TFDP1: variants seen among roughly 807,000 people sequenced by gnomAD.
TFDP1 encodes DRTF1-polypeptide 1.
A neutral mutation model predicts 48.0 loss-of-function variants in TFDP1; 6 were observed. The observed-to-expected ratio is 0.13, with a 90% CI of 0.07 to 0.25. TFDP1 has a LOEUF of 0.25. TFDP1 is among the 10% of genes least tolerant of loss of function. The probability of loss-of-function intolerance (pLI) is 1.00; values close to 1 mark genes in which losing one functional copy is unlikely to be tolerated. For missense variants in TFDP1, 335 were observed against 543.0 expected, an observed-to-expected ratio of 0.62 and a Z score of 3.81; for synonymous variants, 201 against 211.6, an observed-to-expected ratio of 0.95 and a Z score of 0.44.
At chr13:113,634,878 CGTGTGCATGTGTGT>C (rs2049439560) in intron 8 of TFDP1, among the ~76,000 whole-genome samples, 1 of 150,064 alleles carries the variant, frequency 6.7e-6, no homozygotes, top group South Asian at 2.1e-4. Context: ...TGCCTGTGTG[CGTGTGCATGTGTGT>C]GCGTGCATGT....
intron 2 of TFDP1, among the ~76,000 whole-genome samples, chr13:113,593,885 T>C (rs1024073181): frequency 4.2e-5 from 6 of 142,454 alleles, no homozygotes; most frequent in Admixed American, 2.1e-4. Flanking sequence ...TCCTCAGCCC[T>C]GTCCAGGTGA....
intron 2 of TFDP1, among the ~76,000 whole-genome samples, chr13:113,605,278 G>A (rs909858447): frequency 6.6e-6 from 1 of 152,188 alleles, no homozygotes; most frequent in African/African-American, 2.4e-5. Flanking sequence ...GATGGTGCCA[G>A]TGATCTTTCC....
At chr13:113,593,000 C>T (rs373431394) in intron 2 of TFDP1, among the ~76,000 whole-genome samples, 55 of 142,330 alleles carry the variant, frequency 3.9e-4, no homozygotes, top group South Asian at 2.3e-3. Context: ...GTGCTGTGCA[C>T]GCGTCCTCAG....
Position 113,623,268 on chromosome 13 carries a change from C to G in TFDP1, c.168C>G (p.Val56=). ...LLPKTFGQSN[V]NIAQQVVIGT... is the part of the protein sequence containing the mutation. ...CAAAAACCTTTGGACAGTCCAATGTCAACATTGCCCAGCAAGTGGTAAGCC... is the reference window on the plus strand; with the variant it reads ...CAAAAACCTTTGGACAGTCCAATGTGAACATTGCCCAGCAAGTGGTAAGCC... The change falls in exon 4 of 12, where the codon GTC becomes GTG. Residue 56 remains valine (V), a synonymous_variant. Coordinates refer to ENST00000375370, the MANE Select transcript of TFDP1 (RefSeq NM_007111.5). This position sits in a 1 kb window ranked among gnomAD's most constrained non-coding sequence, Gnocchi z 5.2. The G allele has an allele frequency of 6.2e-7, 1 of 1,612,066 alleles. No homozygotes were observed. Among genetic ancestry groups the G allele is most frequent in the Non-Finnish European group, 8.5e-7 (1 of 1,179,090 alleles).
chr13:113,610,168 C>G (rs1257517194), intron 2 of TFDP1, among the ~76,000 whole-genome samples: 1 of 152,100 alleles, frequency 6.6e-6, no homozygotes, highest in African/African-American at 2.4e-5. Flanking sequence ...TGTGGCTATA[C>G]TGTCATGTGT....
At chr13:113,616,168 A>C (rs2140435721) in intron 3 of TFDP1, among the ~76,000 whole-genome samples, 1 of 149,052 alleles carries the variant, frequency 6.7e-6, no homozygotes, top group Admixed American at 6.8e-5. Context: ...GCTCCACTGC[A>C]CTCTAGCCTG....
At chr13:113,602,732 CCCCCCTG>C (rs1197611976) in intron 2 of TFDP1, among the ~76,000 whole-genome samples, 1 of 152,138 alleles carries the variant, frequency 6.6e-6, no homozygotes, top group African/African-American at 2.4e-5. Context: ...TTTGCAGGGT[CCCCCCTG>C]AGAAGTGTGC....
rs180821171 is a variant in TFDP1 at position 113,599,711 on chromosome 13, C to T, written c.13-11285C>T. On this transcript the variant is annotated intron_variant, in intron 2 of 11. Coordinates refer to ENST00000375370, the MANE Select transcript of TFDP1 (RefSeq NM_007111.5). ...CCCAAGGAGGAGGTAGTAGGTGCAG[C>T]CTGGAAGCTGGCTCTGCCCTGACCT... Among the ~76,000 whole-genome samples, 42 of 152,330 alleles carry T rather than the reference C, an allele frequency of 2.8e-4. No homozygotes were observed. In the East Asian group the frequency reaches 7.7e-3, roughly 28 times the overall value.
At chr13:113,591,104 G>A (rs900431205) in intron 2 of TFDP1, among the ~76,000 whole-genome samples, 2 of 151,548 alleles carry the variant, frequency 1.3e-5, no homozygotes, top group African/African-American at 2.4e-5. Flanking sequence ...TAATCCCGGA[G>A]GCCAAGGCGG....
At chr13:113,638,214 G>GT (rs1421960223) in intron 11 of TFDP1, among the ~76,000 whole-genome samples, 64 of 152,128 alleles carry the variant, frequency 4.2e-4, no homozygotes, top group Middle Eastern at 6.8e-3. Flanking sequence ...GTATTTCCAG[G>GT]TTTTTTTTCC....
chr13:113,612,055 C>G (rs1013745200), intron 3 of TFDP1, among the ~76,000 whole-genome samples: 8 of 152,204 alleles, frequency 5.3e-5, no homozygotes, highest in Non-Finnish European at 7.4e-5. Flanking sequence ...AACATTGTGA[C>G]CCTTGTAAGT....
At chr13:113,622,130 A>G (rs1460182140) in intron 3 of TFDP1, among the ~76,000 whole-genome samples, 19 of 152,132 alleles carry the variant, frequency 1.2e-4, no homozygotes. Context: ...GTGATTGGAG[A>G]TGGCTTACTC....
intron 2 of TFDP1, among the ~76,000 whole-genome samples, chr13:113,602,608 TCTC>T (rs1431324798): frequency 6.6e-6 from 1 of 152,240 alleles, no homozygotes; most frequent in Non-Finnish European, 1.5e-5. Context: ...GTCACTTTCT[TCTC>T]AGCTCTGCTT....
rs1313382965 is a variant in TFDP1, at chr13:113,589,028, T to G, written c.12+3179T>G. 2.1e-5 allele frequency among the ~76,000 whole-genome samples: 3 copies of G among 145,276 alleles called. No homozygotes were observed. In the East Asian group the frequency reaches 6.3e-4, roughly 30 times the overall value. Reference sequence around the variant, plus strand: ...GAGGAGAGTGAGTGTGGTGATGGTGTTGTGGGTGGAGAGTGAGTGGCGGTG... The same window carrying G: ...GAGGAGAGTGAGTGTGGTGATGGTGGTGTGGGTGGAGAGTGAGTGGCGGTG... On this transcript the variant is annotated intron_variant, in intron 2 of 11. Transcript: ENST00000375370.
intron 3 of TFDP1, among the ~76,000 whole-genome samples, chr13:113,616,568 T>C (rs967103850): frequency 1.3e-5 from 2 of 152,216 alleles, no homozygotes; most frequent in African/African-American, 2.4e-5. Context: ...TAGCCCAGAA[T>C]GACTGCTTAC....
chr13:113,603,543 T>C (rs1421157602), intron 2 of TFDP1, among the ~76,000 whole-genome samples: 5 of 152,260 alleles, frequency 3.3e-5, no homozygotes, highest in Admixed American at 2.0e-4. Context: ...TCATCTTTTA[T>C]AGTTCTTATT....
chr13:113,605,393 CTCTT>C (rs1010125583), intron 2 of TFDP1, among the ~76,000 whole-genome samples: 12 of 152,102 alleles, frequency 7.9e-5, no homozygotes, highest in African/African-American at 2.9e-4. Context: ...CTAGAGAAAA[CTCTT>C]TAACTGCTGT....
chr13:113,631,915 C>T (rs145870632), intron 5 of TFDP1, 171 bp downstream of exon 5: 60 of 899,866 alleles, frequency 6.7e-5, no homozygotes, highest in African/African-American at 4.7e-4. Flanking sequence ...GGTGTGCAGC[C>T]GAGGCGCACT....
intron 9 of TFDP1, among the ~76,000 whole-genome samples, 167 bp from the exon 10 acceptor site, chr13:113,636,367 C>G (rs2049488229): frequency 6.6e-6 from 1 of 152,226 alleles, no homozygotes. Context: ...CGATTTGCCT[C>G]TCATCTCATT....
Sources: gnomAD v4.1 joint callset for allele counts (sites outside exome capture counted in the v4.1 genomes callset) on GRCh38, gnomAD v4.1.1 for gene constraint, Gnocchi (gnomAD v3.1) non-coding constraint, MANE v1.5 for transcripts, NCBI Gene and HGNC (gene_info 2026-07-23, HGNC 2026-07-21) for gene names.